PRKN: variants seen among roughly 807,000 people sequenced by gnomAD.
PRKN encodes E3 ubiquitin-protein ligase parkin.
Under a neutral mutation model 59.5 loss-of-function variants are expected in PRKN, and 56 were observed. That is an observed-to-expected ratio of 0.94 (90% CI 0.76 to 1.18). PRKN has a LOEUF of 1.18. PRKN is among the 50% of genes most tolerant of loss of function. PRKN has a pLI of 0.00. For missense variants in PRKN, 657 were observed against 596.4 expected (o/e 1.10, Z -1.06); for synonymous variants, 250 against 222.1 (o/e 1.13, Z -1.12).
At position 161,925,442 on chromosome 6, in the gene PRKN, G is replaced by C. The variant is rs559896583; in HGVS notation, c.734+47860C>G. ...AAAGATTAGCCGGGTGTGGTGGCGG[G>C]CGCCTGTGATCCCAGCTACTCAGGA... On this transcript the variant is annotated intron_variant, in intron 6 of 11. Coordinates refer to ENST00000366898, the MANE Select transcript of PRKN (RefSeq NM_004562.3). Among the ~76,000 whole-genome samples the C allele has an allele frequency of 2.6e-5, 4 of 152,188 alleles. No homozygotes were observed. The East Asian group carries it at 7.8e-4, about 30-fold the overall frequency.
intron 7 of PRKN, among the ~76,000 whole-genome samples, chr6:161,605,729 C>T (rs999752013): frequency 3.3e-5 from 5 of 152,056 alleles, no homozygotes; most frequent in Non-Finnish European, 7.4e-5. Context: ...AGGCTGGTCT[C>T]GAACCCCTGG....
chr6:161,841,057 C>A (rs1003786972), intron 6 of PRKN, among the ~76,000 whole-genome samples: 4 of 152,190 alleles, frequency 2.6e-5, no homozygotes, highest in African/African-American at 7.2e-5. Flanking sequence ...ACCCAGCAAT[C>A]CCATTACTGT....
chr6:162,036,392 GT>G (rs1266830727), intron 5 of PRKN, among the ~76,000 whole-genome samples: 1 of 151,228 alleles, frequency 6.6e-6, no homozygotes, highest in African/African-American at 2.4e-5. Context: ...AAATAATTTT[GT>G]TTTGAGATAG....
At chr6:161,992,122 T>C (rs1315935142) in intron 5 of PRKN, among the ~76,000 whole-genome samples, 1 of 152,078 alleles carries the variant, frequency 6.6e-6, no homozygotes, top group African/African-American at 2.4e-5. Flanking sequence ...GCAGAAGTCT[T>C]GAGGTCAAGA....
rs1330740904 is a variant in PRKN, at chr6:161,393,241, T to C, written c.1084-6364A>G. On this transcript the variant is annotated intron_variant, in intron 9 of 11. Transcript: ENST00000366898. The surrounding 1 kb of genome is among the most constrained non-coding windows in gnomAD (Gnocchi z 4.7). Reference sequence around the variant, plus strand: ...ATGTTTAACAAGTGGTAAGAGTCTGTAGAAAAATAAGAGGGTAGTAAGCGC... The same window carrying C: ...ATGTTTAACAAGTGGTAAGAGTCTGCAGAAAAATAAGAGGGTAGTAAGCGC... Among the ~76,000 whole-genome samples, 3 of 152,142 alleles carry C rather than the reference T, an allele frequency of 2.0e-5. No homozygotes were observed. The highest frequency in any genetic ancestry group is 1.5e-5 in the Non-Finnish European group (1 of 68,026).
intron 1 of PRKN, among the ~76,000 whole-genome samples, chr6:162,572,238 A>C (rs1322598776): frequency 6.6e-6 from 1 of 152,118 alleles, no homozygotes; most frequent in Non-Finnish European, 1.5e-5. Flanking sequence ...CCATATCCCA[A>C]ATTATTGCTT....
intron 1 of PRKN, among the ~76,000 whole-genome samples, chr6:162,513,561 G>A (rs893072375): frequency 1.3e-5 from 2 of 152,000 alleles, no homozygotes. Context: ...GAGAAAGAAG[G>A]AAGGAAAAAG....
chr6:162,067,722 T>C (rs1414581644), intron 4 of PRKN, among the ~76,000 whole-genome samples: 1 of 152,186 alleles, frequency 6.6e-6, no homozygotes, highest in East Asian at 1.9e-4. Context: ...ATACCATATG[T>C]ACACCTCATC....
At chr6:162,301,778 C>CCGGG (rs1491234745) in intron 2 of PRKN, among the ~76,000 whole-genome samples, 2 of 62,918 alleles carry the variant, frequency 3.2e-5, no homozygotes, top group African/African-American at 1.3e-4. Context: ...ATAAATTGGC[C>CCGGG]GGGGCGGGGG....
At chr6:162,558,869 G>A (rs550833377) in intron 1 of PRKN, among the ~76,000 whole-genome samples, 14 of 151,574 alleles carry the variant, frequency 9.2e-5, no homozygotes, top group Middle Eastern at 3.4e-3. Context: ...CTCAAGTTCC[G>A]GAGCTCAAGT....
intron 7 of PRKN, among the ~76,000 whole-genome samples, chr6:161,756,647 T>A (rs193268337): frequency 1.8e-4 from 28 of 151,962 alleles, no homozygotes; most frequent in Admixed American, 1.7e-3. Context: ...TTCTTTTTTT[T>A]AAATAGAGAT....
chr6:162,151,018 A>G (rs1466850585), intron 4 of PRKN, among the ~76,000 whole-genome samples: 12 of 152,234 alleles, frequency 7.9e-5, no homozygotes, highest in Admixed American at 7.9e-4. Flanking sequence ...TAGGAAAGCC[A>G]CTAGTGAAGA....
At chr6:162,555,247 C>T (rs1322681733) in intron 1 of PRKN, among the ~76,000 whole-genome samples, 1 of 152,064 alleles carries the variant, frequency 6.6e-6, no homozygotes, top group Non-Finnish European at 1.5e-5. Flanking sequence ...TGTTAACAAT[C>T]ATGATAATAG....
At chr6:161,693,631 T>A (rs1360891264) in intron 7 of PRKN, among the ~76,000 whole-genome samples, 2 of 152,230 alleles carry the variant, frequency 1.3e-5, no homozygotes, top group African/African-American at 4.8e-5. Flanking sequence ...AAGTCACATG[T>A]CTTTTAAAAT....
chr6:161,557,380 C>T (rs1425011956), intron 8 of PRKN, among the ~76,000 whole-genome samples: 2 of 152,142 alleles, frequency 1.3e-5, no homozygotes, highest in East Asian at 3.9e-4. Context: ...TTCTGTTAGT[C>T]TGCAGGTTAG....
chr6:162,667,088 A>C (rs1309597135), intron 1 of PRKN, among the ~76,000 whole-genome samples: 4 of 152,132 alleles, frequency 2.6e-5, no homozygotes, highest in East Asian at 3.8e-4. Context: ...ATTCTTGATA[A>C]TACTACTAAG....
At chr6:162,583,582 C>T (rs1301826160) in intron 1 of PRKN, among the ~76,000 whole-genome samples, 1 of 152,150 alleles carries the variant, frequency 6.6e-6, no homozygotes, top group Admixed American at 6.5e-5. Context: ...AACAATTATT[C>T]CTGAGATTGA....
intron 6 of PRKN, among the ~76,000 whole-genome samples, chr6:161,885,906 G>A (rs73020577): frequency 0.081 from 12,268 of 152,152 alleles, 512 homozygotes; most frequent in South Asian, 0.1. Context: ...ATCACACAAG[G>A]AGGTGGCAAT....
At chr6:162,114,201 C>CT (rs1343684070) in intron 4 of PRKN, among the ~76,000 whole-genome samples, 9 of 152,194 alleles carry the variant, frequency 5.9e-5, no homozygotes, top group Admixed American at 5.9e-4. Context: ...GATGCGGGCT[C>CT]TTTTTTGGTT....
Sources: allele counts gnomAD v4.1 joint callset (sites outside exome capture counted in the v4.1 genomes callset), GRCh38; gene constraint gnomAD v4.1.1; non-coding constraint Gnocchi (gnomAD v3.1); transcripts MANE v1.5; gene names NCBI Gene and HGNC (gene_info 2026-07-23, HGNC 2026-07-21).